APLF: variants seen among roughly 807,000 people sequenced by gnomAD.
The protein encoded by APLF is aprataxin and PNKP like factor.
In APLF, 61 loss-of-function variants were observed where a neutral mutation model predicts 55.6. That is an observed-to-expected ratio of 1.10 (90% CI 0.89 to 1.36). The LOEUF is 1.36. Ranked by LOEUF, APLF falls within the 40% of genes most tolerant of loss-of-function variation. The probability of loss-of-function intolerance (pLI) is 0.00; values close to 1 mark genes in which losing one functional copy is unlikely to be tolerated. For synonymous variants in APLF, 207 were observed against 214.8 expected, an observed-to-expected ratio of 0.96 and a Z score of 0.32; for missense variants, 611 against 602.5, an observed-to-expected ratio of 1.01 and a Z score of -0.15.
chr2:68,559,443 T>G (rs1416170078), intron 8 of APLF, among the ~76,000 whole-genome samples: 2 of 152,198 alleles, frequency 1.3e-5, no homozygotes, highest in East Asian at 3.8e-4. Flanking sequence ...GCCTCCACTT[T>G]GTGTAATAGG....
intron 2 of APLF, among the ~76,000 whole-genome samples, chr2:68,494,894 A>T (rs1052137802): frequency 2.6e-5 from 4 of 151,864 alleles, no homozygotes; most frequent in African/African-American, 9.7e-5. Flanking sequence ...TTCTTTTTCC[A>T]GTCTATCATT....
At chr2:68,503,222 G>A (rs769826095) in intron 3 of APLF, among the ~76,000 whole-genome samples, 20 of 152,088 alleles carry the variant, frequency 1.3e-4, no homozygotes, top group East Asian at 5.8e-4. Flanking sequence ...TAGTTAATTC[G>A]AAATTGACTA....
At chr2:68,553,851 T>TA (rs1431964673) in intron 8 of APLF, among the ~76,000 whole-genome samples, 1 of 152,084 alleles carries the variant, frequency 6.6e-6, no homozygotes, top group African/African-American at 2.4e-5. Context: ...TATTCTGAAG[T>TA]AAAAACAATT....
At chr2:68,535,430 G>A (rs1351246630) in intron 6 of APLF, 4 of 278,224 alleles carry the variant, frequency 1.4e-5, no homozygotes, top group African/African-American at 6.9e-5. Context: ...ACAGATGAAT[G>A]CACACATAGA....
At chr2:68,545,039 A>T in intron 7 of APLF, 148 bp from the exon 8 acceptor site, 1 of 855,288 alleles carries the variant, frequency 1.2e-6, no homozygotes. Flanking sequence ...TAGCATGTTG[A>T]TGTAATCTGC....
intron 2 of APLF, among the ~76,000 whole-genome samples, chr2:68,499,471 T>C (rs912398045): frequency 6.6e-6 from 1 of 152,138 alleles, no homozygotes; most frequent in African/African-American, 2.4e-5. Flanking sequence ...TTGGGAGGGA[T>C]TGAAAAGATT....
Position 68,537,965 on chromosome 2 carries a change from G to T in APLF, c.898G>T (p.Glu300Ter), listed in dbSNP as rs140938631. Residue 300 changes from glutamate (E) to a stop codon, truncating the protein, a stop_gained, in exon 7 of 10, where the codon GAA becomes TAA. Coordinates refer to ENST00000303795, the MANE Select transcript of APLF (RefSeq NM_173545.3). LOFTEE classifies it high-confidence loss of function. ...NAQRNKLPIE[E>*]LGKVSKHKIA... ...ACAGAGAAACAAACTTCCAATAGAG[G>T]AACTTGGTAAAGTTTCTAAACATAA... The T allele has an allele frequency of 1.3e-5, 21 of 1,613,600 alleles. No homozygotes were observed. Among genetic ancestry groups the T allele is most frequent in the African/African-American group, 2.7e-5 (2 of 74,862 alleles).
intron 8 of APLF, among the ~76,000 whole-genome samples, chr2:68,547,374 A>C (rs766746076): frequency 6.6e-6 from 1 of 151,828 alleles, no homozygotes; most frequent in Non-Finnish European, 1.5e-5. Context: ...GAAATTTACA[A>C]TGTGATTCTA....
chr2:68,495,317 G>T (rs1268111790), intron 2 of APLF, among the ~76,000 whole-genome samples: 1 of 152,184 alleles, frequency 6.6e-6, no homozygotes, highest in African/African-American at 2.4e-5. Flanking sequence ...AGAAACAATG[G>T]GGGTATAGGC....
chr2:68,519,388 G>A (rs1201410125), intron 5 of APLF, among the ~76,000 whole-genome samples: 1 of 148,710 alleles, frequency 6.7e-6, no homozygotes, highest in Non-Finnish European at 1.5e-5. Flanking sequence ...GAAAGAAAAT[G>A]TATTTGAAAT....
At chr2:68,517,022 T>C (rs1438713849) in intron 5 of APLF, among the ~76,000 whole-genome samples, 2 of 103,084 alleles carry the variant, frequency 1.9e-5, no homozygotes, top group African/African-American at 4.0e-5. Flanking sequence ...TATATAATAA[T>C]ATATTAATAT....
At chr2:68,493,051 G>A (rs575107606) in intron 2 of APLF, among the ~76,000 whole-genome samples, 8 of 152,246 alleles carry the variant, frequency 5.3e-5, no homozygotes, top group African/African-American at 1.9e-4. Context: ...TTTGAACTCT[G>A]TAGTATTTTT....
chr2:68,538,967 C>T (rs1210236094), intron 7 of APLF, among the ~76,000 whole-genome samples: 4 of 152,056 alleles, frequency 2.6e-5, no homozygotes, highest in Non-Finnish European at 4.4e-5. Flanking sequence ...ACATTCAGTT[C>T]CCCCCACTGT....
intron 2 of APLF, among the ~76,000 whole-genome samples, chr2:68,502,456 T>C (rs1676751107): frequency 6.6e-6 from 1 of 152,086 alleles, no homozygotes; most frequent in African/African-American, 2.4e-5. Context: ...AAGACTCTTT[T>C]AACCAGTTAG....
chr2:68,513,724 A>G (rs1423882073), intron 5 of APLF, 44 bp downstream of exon 5: 1 of 1,594,830 alleles, frequency 6.3e-7, no homozygotes, highest in Non-Finnish European at 8.5e-7. Context: ...AGGAAACATT[A>G]AACAGAATTT....
rs1024697270 is a variant in APLF at position 68,567,488 on chromosome 2, T to G, written c.1333+101T>G. 574 of 951,060 alleles carry G rather than the reference T, an allele frequency of 6.0e-4. 5 individuals carry two copies. The highest frequency in any genetic ancestry group is 2.5e-5 in the Non-Finnish European group (16 of 644,830). The allele number at this position is 951,060 out of a possible 1,614,324, so 58.9% of individuals were successfully genotyped here. ...TATGAAAATATTTTAAAATCTCTGC[T>G]TCTGTGAATTTGTTGAATTGCTGAT... is the stretch of plus-strand genomic sequence containing the variant. On this transcript the variant is annotated intron_variant, in intron 9 of 9. Transcript: ENST00000303795.
At chr2:68,489,287 A>G (rs893716005) in intron 1 of APLF, among the ~76,000 whole-genome samples, 1 of 152,206 alleles carries the variant, frequency 6.6e-6, no homozygotes, top group Non-Finnish European at 1.5e-5. Context: ...TTTTACTGAT[A>G]ATTTTGGTCC....
intron 1 of APLF, among the ~76,000 whole-genome samples, chr2:68,474,990 C>T (rs1375015442): frequency 6.6e-6 from 1 of 152,164 alleles, no homozygotes; most frequent in African/African-American, 2.4e-5. Flanking sequence ...TTTAAAAGCT[C>T]TGAAGATGAT....
At chr2:68,490,320 G>T in intron 2 of APLF, 59 bp downstream of exon 2, 2 of 1,425,894 alleles carry the variant, frequency 1.4e-6, no homozygotes, top group Middle Eastern at 1.8e-4. Context: ...CAGTTCCCAA[G>T]CAGAGGTGCC....
Sources: gnomAD v4.1 joint callset for allele counts (sites outside exome capture counted in the v4.1 genomes callset) on GRCh38, gnomAD v4.1.1 for gene constraint, MANE v1.5 for transcripts, NCBI Gene and HGNC (gene_info 2026-07-23, HGNC 2026-07-21) for gene names.